The following COP1 variants were observed in gnomAD, a reference collection of about 807,000 sequenced individuals.
COP1 encodes the protein COP1 E3 ubiquitin ligase.
In COP1, 24 loss-of-function variants were observed where a neutral mutation model predicts 101.3. The ratio of observed to expected loss-of-function variants is 0.24; its 90% confidence interval spans 0.17 to 0.33. The LOEUF (loss-of-function observed/expected upper bound fraction) is 0.33. Among genes scored for constraint, COP1 ranks in the 10% least tolerant of loss-of-function variants. The pLI is 1.00. For synonymous variants in COP1, 347 were observed against 341.9 expected, an observed-to-expected ratio of 1.01 and a Z score of -0.17; for missense variants, 663 against 906.2, an observed-to-expected ratio of 0.73 and a Z score of 3.45.
intron 15 of COP1, among the ~76,000 whole-genome samples, chr1:175,995,217 A>AGAT (rs1659831609): frequency 6.6e-6 from 1 of 152,206 alleles, no homozygotes; most frequent in Admixed American, 6.5e-5. Flanking sequence ...GACACAACAT[A>AGAT]CCAGAATCTC....
chr1:176,014,409 TTATCTC>T (rs1294030424), intron 15 of COP1, among the ~76,000 whole-genome samples: 1 of 152,194 alleles, frequency 6.6e-6, no homozygotes, highest in African/African-American at 2.4e-5. Context: ...GTTGCAACCT[TTATCTC>T]TATTAAATGG....
chr1:175,986,067 T>C (rs768209285), intron 18 of COP1, among the ~76,000 whole-genome samples: 7 of 152,198 alleles, frequency 4.6e-5, no homozygotes, highest in Non-Finnish European at 8.8e-5. Flanking sequence ...TCGCCCAGGC[T>C]GGACTGCAGT....
At chr1:176,178,631 C>T (rs1270749907) in intron 2 of COP1, among the ~76,000 whole-genome samples, 1 of 152,132 alleles carries the variant, frequency 6.6e-6, no homozygotes, top group Non-Finnish European at 1.5e-5. Context: ...GCCGGCAGAT[C>T]ACCTGAGGTC....
In COP1 at chr1:176,057,745, C is replaced by T. The variant is rs1175158970; in HGVS notation, c.1278-11421G>A. On this transcript the variant is annotated intron_variant, in intron 11 of 19. Transcript: ENST00000367669. ...CAAAGTGCCGAGATTGCAGCCTCTG[C>T]CCGGCTGCCACCCCATCTGGGAAGT... 2.6e-3 allele frequency among the ~76,000 whole-genome samples: 395 copies of T among 151,310 alleles called. 2 individuals carry two copies. The highest frequency in any genetic ancestry group is 9.1e-3 in the African/African-American group (377 of 41,528).
intron 8 of COP1, among the ~76,000 whole-genome samples, chr1:176,117,685 A>C (rs1686434903): frequency 6.6e-6 from 1 of 152,240 alleles, no homozygotes; most frequent in Non-Finnish European, 1.5e-5. Context: ...ACCTGAGGTC[A>C]GGAGTTCGAG....
At chr1:176,065,316 T>C (rs1264428302) in intron 11 of COP1, among the ~76,000 whole-genome samples, 2 of 152,188 alleles carry the variant, frequency 1.3e-5, no homozygotes, top group African/African-American at 4.8e-5. Flanking sequence ...ACAAATGCTC[T>C]TACAGTAATG....
chr1:176,019,073 C>T (rs540691077), intron 15 of COP1, among the ~76,000 whole-genome samples: 7 of 151,588 alleles, frequency 4.6e-5, no homozygotes, highest in Non-Finnish European at 1.0e-4. Context: ...GGCTGAGGCA[C>T]GAGAATCGCT....
chr1:176,181,050 A>C (rs1344611312), intron 2 of COP1, among the ~76,000 whole-genome samples: 4 of 152,228 alleles, frequency 2.6e-5, no homozygotes, highest in Non-Finnish European at 5.9e-5. Context: ...AGCCAATTTT[A>C]TCTCTACGTT....
At chr1:176,152,514 C>G (rs1035551172) in intron 5 of COP1, among the ~76,000 whole-genome samples, 1 of 151,914 alleles carries the variant, frequency 6.6e-6, no homozygotes, top group African/African-American at 2.4e-5. Flanking sequence ...GTAGCACGAT[C>G]TCAGCTCACT....
At chr1:176,120,030 T>C (rs1686847991) in intron 8 of COP1, among the ~76,000 whole-genome samples, 1 of 152,186 alleles carries the variant, frequency 6.6e-6, no homozygotes, top group African/African-American at 2.4e-5. Context: ...TTATGTTCTC[T>C]AACTTAAGAA....
At chr1:176,029,430 T>C (rs967540875) in intron 14 of COP1, among the ~76,000 whole-genome samples, 2 of 152,194 alleles carry the variant, frequency 1.3e-5, no homozygotes, top group African/African-American at 4.8e-5. Flanking sequence ...AACTATCATA[T>C]CATTTTTCAA....
chr1:176,008,572 T>C (rs1327285756), intron 15 of COP1, among the ~76,000 whole-genome samples: 1 of 152,244 alleles, frequency 6.6e-6, no homozygotes, highest in Non-Finnish European at 1.5e-5. Flanking sequence ...TAATAACTAA[T>C]TACAAATATA....
chr1:176,171,507 G>A (rs145786624), intron 3 of COP1, among the ~76,000 whole-genome samples: 5 of 152,220 alleles, frequency 3.3e-5, no homozygotes, highest in East Asian at 1.9e-4. Context: ...CTTATCATTC[G>A]TGTCTTCACT....
chr1:176,018,592 C>T (rs1666098480), intron 15 of COP1: 1 of 151,978 alleles, frequency 6.6e-6, no homozygotes, highest in Non-Finnish European at 1.5e-5. Context: ...ATAAAAAATA[C>T]ATAATTTGAA....
At chr1:176,054,185 T>C (rs1200625621) in intron 11 of COP1, among the ~76,000 whole-genome samples, 1 of 148,580 alleles carries the variant, frequency 6.7e-6, no homozygotes, top group Non-Finnish European at 1.5e-5. Flanking sequence ...TTTGAGATGG[T>C]GCCTCACTCT....
At chr1:175,951,461 TAA>T (rs1553274577) in intron 18 of COP1, among the ~76,000 whole-genome samples, 5,373 of 54,162 alleles carry the variant, frequency 0.099, 417 homozygotes, top group Non-Finnish European at 0.12. Context: ...TATATATATA[TAA>T]AAACTTCCAT....
At chr1:176,184,131 T>C (rs1347209415) in intron 2 of COP1, among the ~76,000 whole-genome samples, 2 of 152,168 alleles carry the variant, frequency 1.3e-5, no homozygotes, top group African/African-American at 4.8e-5. Flanking sequence ...TTCGGTATTA[T>C]GTAAATTTTA....
chr1:176,008,447 C>T (rs1663961851), intron 15 of COP1, among the ~76,000 whole-genome samples: 1 of 152,204 alleles, frequency 6.6e-6, no homozygotes, highest in Admixed American at 6.5e-5. Flanking sequence ...ATACTTTCAA[C>T]AACAGAATTA....
At chr1:175,946,874 A>G (rs929511153) in intron 19 of COP1, among the ~76,000 whole-genome samples, 2 of 152,200 alleles carry the variant, frequency 1.3e-5, no homozygotes, top group African/African-American at 4.8e-5. Flanking sequence ...ATCTACTGAA[A>G]GCCCTGTGGG....
Sources: gnomAD v4.1 joint callset for allele counts (sites outside exome capture counted in the v4.1 genomes callset) on GRCh38, gnomAD v4.1.1 for gene constraint, MANE v1.5 for transcripts, NCBI Gene and HGNC (gene_info 2026-07-23, HGNC 2026-07-21) for gene names.